The following DOCK5 variants were observed in gnomAD, a reference collection of about 807,000 sequenced individuals.
DOCK5 encodes dedicator of cytokinesis protein 5.
DOCK5 carries 142 observed loss-of-function variants against 251.8 expected under a neutral mutation model. That is an observed-to-expected ratio of 0.56 (90% confidence interval 0.49 to 0.65). DOCK5 has a LOEUF of 0.65. DOCK5 is among the 30% of genes least tolerant of loss of function. DOCK5 has a pLI of 0.00. For missense variants in DOCK5, 2,111 were observed against 2,312.3 expected (o/e 0.91, Z 1.79); for synonymous variants, 842 against 835.5 (o/e 1.01, Z -0.13).
At chr8:25,309,973 T>C (rs1342484576) in intron 12 of DOCK5, among the ~76,000 whole-genome samples, 3 of 152,224 alleles carry the variant, frequency 2.0e-5, no homozygotes, top group Non-Finnish European at 4.4e-5. Context: ...AAATTAAATT[T>C]TCTTAAGTAG....
At chr8:25,249,438 A>T (rs566059402) in intron 2 of DOCK5, among the ~76,000 whole-genome samples, 1 of 152,266 alleles carries the variant, frequency 6.6e-6, no homozygotes, top group East Asian at 1.9e-4. Flanking sequence ...ATCACTATCT[A>T]CTTTCAGAAC....
chr8:25,290,844 G>A (rs1804467548), intron 5 of DOCK5, among the ~76,000 whole-genome samples: 1 of 152,180 alleles, frequency 6.6e-6, no homozygotes, highest in Admixed American at 6.5e-5. Context: ...CTGTGGGTGG[G>A]ACCGCTAACA....
chr8:25,320,830 T>C (rs574143911), intron 15 of DOCK5, 150 bp from the exon 16 acceptor site: 3 of 623,654 alleles, frequency 4.8e-6, no homozygotes, highest in African/African-American at 3.7e-5. Flanking sequence ...TGAAAATAGC[T>C]CAGTCTCCTT....
At chr8:25,246,040 A>AATTT (rs1294951694) in intron 2 of DOCK5, among the ~76,000 whole-genome samples, 6 of 152,188 alleles carry the variant, frequency 3.9e-5, no homozygotes, top group African/African-American at 1.4e-4. Context: ...GGTGCCTGCT[A>AATTT]ATTTAGAATT....
At chr8:25,204,911 C>A (rs961361046) in intron 1 of DOCK5, among the ~76,000 whole-genome samples, 5 of 152,080 alleles carry the variant, frequency 3.3e-5, no homozygotes, top group African/African-American at 1.2e-4. Context: ...ATGTCCCTCA[C>A]AAATTCCTAT....
intron 26 of DOCK5, among the ~76,000 whole-genome samples, chr8:25,350,543 T>C (rs1375275103): frequency 6.6e-6 from 1 of 152,234 alleles, no homozygotes; most frequent in African/African-American, 2.4e-5. Flanking sequence ...ACAGTCAGAA[T>C]ACAAAATCCT....
chr8:25,384,464 T>TA lies in DOCK5; in HGVS notation c.4131+1686_4131+1687insA, dbSNP rs1491345861. Among the ~76,000 whole-genome samples, 33 of 81,206 alleles carry TA rather than the reference T, an allele frequency of 4.1e-4. 1 individual carries two copies. The highest frequency in any genetic ancestry group is 1.1e-3 in the South Asian group (3 of 2,678). 53.3% of individuals were successfully genotyped at this position (81,206 alleles called of 152,430 possible). ...ATTTATTTATTTATTTATTTATTTA[T>TA]TTTTTTTTTTTTTGAGACAGTGTCT... On this transcript the variant is annotated intron_variant, in intron 40 of 51. Transcript: ENST00000276440.
intron 25 of DOCK5, among the ~76,000 whole-genome samples, 196 bp downstream of exon 25, chr8:25,342,703 T>TG (rs1800262868): frequency 8.3e-6 from 1 of 120,928 alleles, no homozygotes; most frequent in South Asian, 3.2e-4. Flanking sequence ...TTTTTTTTTT[T>TG]TTTTTTTTTT....
chr8:25,252,894 C>T (rs180709005), intron 2 of DOCK5, among the ~76,000 whole-genome samples: 347 of 152,132 alleles, frequency 2.3e-3, no homozygotes, highest in African/African-American at 7.6e-3. Context: ...TGCAGTGGTG[C>T]AATCTTGGCT....
At chr8:25,229,561 C>T (rs1426643099) in intron 1 of DOCK5, among the ~76,000 whole-genome samples, 1 of 151,434 alleles carries the variant, frequency 6.6e-6, no homozygotes, top group Non-Finnish European at 1.5e-5. Context: ...ATTTACCTTT[C>T]TTCAGACTGG....
intron 2 of DOCK5, among the ~76,000 whole-genome samples, chr8:25,249,588 C>T (rs1443987019): frequency 6.6e-6 from 1 of 152,104 alleles, no homozygotes; most frequent in Non-Finnish European, 1.5e-5. Context: ...CATTTGGCAT[C>T]AGGACTTCAT....
intron 28 of DOCK5, among the ~76,000 whole-genome samples, chr8:25,359,696 T>C: frequency 6.6e-6 from 1 of 152,226 alleles, no homozygotes; most frequent in East Asian, 1.9e-4. Context: ...CCTGATGATC[T>C]GAGGTGGAAC....
chr8:25,384,130 A>G (rs1260965466), intron 40 of DOCK5, among the ~76,000 whole-genome samples: 1 of 152,218 alleles, frequency 6.6e-6, no homozygotes, highest in Admixed American at 6.5e-5. Context: ...AACTGCGGGC[A>G]TGATTCCCAC....
At position 25,228,113 on chromosome 8, in the gene DOCK5, G is replaced by A. The variant is rs190735673; in HGVS notation, c.44-15561G>A. Among the ~76,000 whole-genome samples, 393 of 152,292 alleles carry A rather than the reference G, an allele frequency of 2.6e-3. 3 individuals are homozygous for A. Among genetic ancestry groups the A allele is most frequent in the African/African-American group, 8.9e-3 (372 of 41,570 alleles). ...GCTGGTCTCAAACTCCTGGGCTCAAGCGATCTGCCTGCCTTGGCCTCCCAA... is the reference window on the plus strand; with the variant it reads ...GCTGGTCTCAAACTCCTGGGCTCAAACGATCTGCCTGCCTTGGCCTCCCAA... On this transcript the variant is annotated intron_variant, in intron 1 of 51. Coordinates refer to ENST00000276440, the MANE Select transcript of DOCK5 (RefSeq NM_024940.8).
chr8:25,370,995 A>T (rs995004946), intron 34 of DOCK5, among the ~76,000 whole-genome samples: 8 of 152,022 alleles, frequency 5.3e-5, no homozygotes, highest in African/African-American at 1.7e-4. Context: ...TCAGGTTGTA[A>T]CTACTCTAGA....
chr8:25,192,563 T>G (rs2941603), intron 1 of DOCK5, among the ~76,000 whole-genome samples: 111,645 of 152,122 alleles, frequency 0.73, 42,250 homozygotes, highest in Non-Finnish European at 0.81. Context: ...TGGAGTGCAG[T>G]GGTGCAATCT....
At chr8:25,270,704 A>G (rs903696211) in intron 3 of DOCK5, 8 of 618,128 alleles carry the variant, frequency 1.3e-5, no homozygotes, top group African/African-American at 1.3e-4. Flanking sequence ...AGACTACAGT[A>G]TGTAAGGATC....
chr8:25,199,674 C>T (rs1016730879), intron 1 of DOCK5, among the ~76,000 whole-genome samples: 10 of 152,158 alleles, frequency 6.6e-5, no homozygotes, highest in Non-Finnish European at 1.2e-4. Context: ...TGAGCCACCA[C>T]GCCCAACCAA....
In DOCK5 at chr8:25,302,458, C is replaced by T. The variant is rs372534492; in HGVS notation, c.976+4C>T. 1.4e-5 allele frequency: 21 copies of T among 1,547,420 alleles called. No homozygotes were observed. The African/African-American group carries it at 2.6e-4, about 19-fold the overall frequency. ...CGAAGACCTTTTGGAGTGGCAGGTA[C>T]AAGAGAGACCCAGAGACAAATGTGA... On this transcript the variant is annotated splice_donor_region_variant and intron_variant, in intron 10 of 51. Coordinates refer to ENST00000276440, the MANE Select transcript of DOCK5 (RefSeq NM_024940.8).
Sources: allele counts gnomAD v4.1 joint callset (sites outside exome capture counted in the v4.1 genomes callset), GRCh38; gene constraint gnomAD v4.1.1; transcripts MANE v1.5; gene names NCBI Gene and HGNC (gene_info 2026-07-23, HGNC 2026-07-21).